CELF2: variants seen among roughly 807,000 people sequenced by gnomAD.
CELF2 encodes CUGBP Elav-like family member 2, also known as CUG triplet repeat RNA-binding protein 2.
In CELF2, 8 loss-of-function variants were observed where a neutral mutation model predicts 62.6. The ratio of observed to expected loss-of-function variants is 0.13; its 90% CI spans 0.07 to 0.23. CELF2 has a LOEUF of 0.23. Ranked by LOEUF, CELF2 falls within the 10% of genes least tolerant of loss-of-function variation. CELF2 has a pLI of 1.00. For missense variants in CELF2, 333 were observed against 671.0 expected (o/e 0.50, Z 5.56); for synonymous variants, 258 against 250.0 (o/e 1.03, Z -0.30).
chr10:11,104,089 T>A (rs2052657023), intron 1 of CELF2, among the ~76,000 whole-genome samples: 1 of 152,218 alleles, frequency 6.6e-6, no homozygotes, highest in South Asian at 2.1e-4. Flanking sequence ...AATCTGATGA[T>A]CACTGATATT....
At chr10:10,541,166 C>A in the CELF2 span, among the ~76,000 whole-genome samples, 12 of 149,118 alleles carry the variant, frequency 8.0e-5, no homozygotes, top group African/African-American at 2.5e-4. Context: ...TGGCGAGAAC[C>A]CGGGAGGCGG....
the CELF2 span, among the ~76,000 whole-genome samples, chr10:10,691,224 T>C: frequency 6.6e-6 from 1 of 151,788 alleles, no homozygotes; most frequent in Non-Finnish European, 1.5e-5. Context: ...ATCTCATTGT[T>C]CAATTCCCAC....
chr10:10,701,348 A>C, the CELF2 span, among the ~76,000 whole-genome samples: 1 of 152,226 alleles, frequency 6.6e-6, no homozygotes. Flanking sequence ...CAATTACTGG[A>C]AGTCTCCAGA....
At chr10:10,879,643 T>C (rs1244850460) in intron 1 of CELF2, among the ~76,000 whole-genome samples, 1 of 152,214 alleles carries the variant, frequency 6.6e-6, no homozygotes, top group East Asian at 1.9e-4. Context: ...CATTTAACAC[T>C]GAGTTAAGAA....
At chr10:11,040,626 A>T (rs1264022485) in intron 1 of CELF2, among the ~76,000 whole-genome samples, 3 of 152,082 alleles carry the variant, frequency 2.0e-5, no homozygotes, top group African/African-American at 7.2e-5. Flanking sequence ...AAATGCTTTT[A>T]AATGCCTGCT....
Position 11,151,528 on chromosome 10 carries a change from T to C in CELF2, c.75-13958T>C, listed in dbSNP as rs568597733. 2.6e-5 allele frequency among the ~76,000 whole-genome samples: 4 copies of C among 152,326 alleles called. No individual in the cohort carries two copies. In the East Asian group the frequency reaches 7.7e-4, roughly 29 times the overall value. ...GTGGATAGAGTTTTGAACTCTGGAC[T>C]CTACCATCACCTTATTCCTGGAGAT... On this transcript the variant is annotated intron_variant, in intron 1 of 12. Coordinates refer to ENST00000633077, the MANE Select transcript of CELF2 (RefSeq NM_001326342.2).
chr10:10,735,099 C>T, the CELF2 span, among the ~76,000 whole-genome samples: 18 of 152,116 alleles, frequency 1.2e-4, no homozygotes, highest in Admixed American at 5.2e-4. Flanking sequence ...CTTGAAAGGA[C>T]GGTGTGGATT....
chr10:10,612,131 G>A, the CELF2 span, among the ~76,000 whole-genome samples: 1 of 152,124 alleles, frequency 6.6e-6, no homozygotes, highest in Non-Finnish European at 1.5e-5. Context: ...GTATGACAGT[G>A]GCTTTTATCC....
In CELF2 at chr10:10,853,420, A is replaced by T. The variant is rs188750439; in HGVS notation, c.53+54603A>T. Among the ~76,000 whole-genome samples, 24 of 152,176 alleles carry T rather than the reference A, an allele frequency of 1.6e-4. No homozygotes were observed. In the East Asian group the frequency reaches 4.6e-3, roughly 29 times the overall value. On this transcript the variant is annotated intron_variant, in intron 1 of 13. Coordinates refer to the CELF2 transcript ENST00000636488. ...TTGGGGAGGAGTGGTGCATTTAGTG[A>T]AAAGATCTGGGGAATTCAGAGAATC...
At chr10:10,902,908 G>A (rs1196662038) in intron 1 of CELF2, among the ~76,000 whole-genome samples, 2 of 139,132 alleles carry the variant, frequency 1.4e-5, no homozygotes, top group Non-Finnish European at 3.1e-5. Context: ...AGGGAGGGAG[G>A]GAGAAGAGGG....
the CELF2 span, among the ~76,000 whole-genome samples, chr10:10,747,873 A>AT: frequency 1.3e-5 from 2 of 152,134 alleles, no homozygotes; most frequent in Non-Finnish European, 2.9e-5. Flanking sequence ...CGCCTGGCTA[A>AT]TTTATTTTTA....
At chr10:10,473,199 C>A in the CELF2 span, among the ~76,000 whole-genome samples, 3 of 151,928 alleles carry the variant, frequency 2.0e-5, no homozygotes, top group African/African-American at 7.3e-5. Context: ...TCCAATCAGA[C>A]TGGTGTTTTA....
chr10:10,908,213 G>GTTTTTTTT (rs1564802363), intron 1 of CELF2, among the ~76,000 whole-genome samples: 8 of 26,538 alleles, frequency 3.0e-4, no homozygotes, highest in African/African-American at 5.7e-4. Context: ...TGTATGAGGG[G>GTTTTTTTT]ATTTTTTTTT....
the CELF2 span, among the ~76,000 whole-genome samples, chr10:10,556,505 G>A: frequency 6.6e-6 from 1 of 152,196 alleles, no homozygotes; most frequent in Non-Finnish European, 1.5e-5. Context: ...GTGTGCGTGT[G>A]TCTTTATAGC....
chr10:10,910,378 G>T (rs995437192), intron 1 of CELF2, among the ~76,000 whole-genome samples: 4 of 152,080 alleles, frequency 2.6e-5, no homozygotes, highest in African/African-American at 9.7e-5. Context: ...GTTTTGGAGA[G>T]ATGTCACTTT....
At chr10:10,735,662 G>T in the CELF2 span, among the ~76,000 whole-genome samples, 2 of 152,194 alleles carry the variant, frequency 1.3e-5, no homozygotes, top group African/African-American at 4.8e-5. Context: ...TGACGTTAAA[G>T]AAGTAGCTTC....
At chr10:10,639,037 A>T in the CELF2 span, among the ~76,000 whole-genome samples, 1 of 152,140 alleles carries the variant, frequency 6.6e-6, no homozygotes, top group Non-Finnish European at 1.5e-5. Flanking sequence ...CTGTGATTCA[A>T]TGTTATTGTT....
At chr10:10,770,501 CTG>C in the CELF2 span, among the ~76,000 whole-genome samples, 732 of 151,992 alleles carry the variant, frequency 4.8e-3, 4 homozygotes, top group African/African-American at 0.01. Context: ...TTAGAGCAAA[CTG>C]AGGAATCATG....
chr10:10,970,476 G>A (rs138218171), intron 2 of CELF2, among the ~76,000 whole-genome samples: 11 of 152,326 alleles, frequency 7.2e-5, no homozygotes, highest in African/African-American at 2.6e-4. Context: ...GAAATGGTCT[G>A]TAGAAATGTC....
Sources: gnomAD v4.1 joint callset for allele counts (sites outside exome capture counted in the v4.1 genomes callset) on GRCh38, gnomAD v4.1.1 for gene constraint, MANE v1.5 for transcripts, NCBI Gene and HGNC (gene_info 2026-07-23, HGNC 2026-07-21) for gene names.